The following LIPM variants were observed in gnomAD, a reference collection of about 807,000 sequenced individuals.
LIPM encodes the protein lipase member M.
Under a neutral mutation model 42.4 loss-of-function variants are expected in LIPM, and 42 were observed. That is an observed-to-expected ratio of 0.99 (90% CI 0.77 to 1.28). The LOEUF is 1.28. Ranked by LOEUF, LIPM falls within the 50% of genes most tolerant of loss-of-function variation. The pLI is 0.00. For missense variants in LIPM, 524 were observed against 520.1 expected, an observed-to-expected ratio of 1.01 and a Z score of -0.07; for synonymous variants, 177 against 173.3, an observed-to-expected ratio of 1.02 and a Z score of -0.17.
At chr10:88,806,014 C>T (rs191319912) in intron 1 of LIPM, 26 of 456,540 alleles carry the variant, frequency 5.7e-5, no homozygotes, top group Admixed American at 3.3e-4. Flanking sequence ...AGGTCAGTCA[C>T]TGGATGTGGC....
Position 88,817,142 on chromosome 10 carries a change from A to T in LIPM, c.930+255A>T, listed in dbSNP as rs1159116312. Among the ~76,000 whole-genome samples the T allele has an allele frequency of 2.6e-5, 4 of 151,994 alleles. No individual in the cohort carries two copies. In the South Asian group the frequency reaches 8.3e-4, roughly 32 times the overall value. On this transcript the variant is annotated intron_variant, in intron 7 of 8. Transcript: ENST00000404743. Reference sequence around the variant, plus strand: ...TATGAATTTAGATGATCCAAGTGAGACTTCTCTCTGTCTCTAGACACCTCA... The same window carrying T: ...TATGAATTTAGATGATCCAAGTGAGTCTTCTCTCTGTCTCTAGACACCTCA...
intron 7 of LIPM, among the ~76,000 whole-genome samples, chr10:88,817,089 G>A (rs1043242166): frequency 6.6e-6 from 1 of 152,216 alleles, no homozygotes; most frequent in Non-Finnish European, 1.5e-5. Flanking sequence ...GACAGAAGTA[G>A]CCTAAGAACT....
chr10:88,807,787 G>T (rs1843606872), intron 1 of LIPM, among the ~76,000 whole-genome samples: 1 of 152,162 alleles, frequency 6.6e-6, no homozygotes, highest in African/African-American at 2.4e-5. Flanking sequence ...AAGTTGTCCT[G>T]GAACAGGTGC....
At chr10:88,808,238 G>T in intron 1 of LIPM, 60 bp from the exon 2 acceptor site, 1 of 922,714 alleles carries the variant, frequency 1.1e-6, no homozygotes, top group South Asian at 1.4e-5. Context: ...CTTACTTTTG[G>T]ATCATTGAGA....
At chr10:88,805,913 G>A (rs1843580585) in intron 1 of LIPM, 1 of 455,406 alleles carries the variant, frequency 2.2e-6, no homozygotes, top group African/African-American at 2.0e-5. Context: ...AAAACAGCCA[G>A]ACTCAACTCC....
chr10:88,810,127 T>C (rs761826336), intron 2 of LIPM, among the ~76,000 whole-genome samples: 12 of 152,176 alleles, frequency 7.9e-5, no homozygotes, highest in Non-Finnish European at 1.5e-4. Context: ...ACATCATTTG[T>C]TTTGCTCAAG....
In LIPM at chr10:88,815,070, A is replaced by G. The variant is rs765819195; in HGVS notation, c.575-18A>G. ...AAAAATATTTCGTATTCATGTTGAC[A>G]TATTTCTTCTTTTGCAGGCTTTATT... On this transcript the variant is annotated intron_variant, in intron 4 of 8. Transcript: ENST00000404743. 3.3e-6 allele frequency: 5 copies of G among 1,522,474 alleles called. No homozygotes were observed. The East Asian group carries it at 9.8e-5, about 30-fold the overall frequency. 94.3% of individuals were successfully genotyped at this position (1,522,474 alleles called of 1,614,324 possible).
intron 4 of LIPM, 90 bp from the exon 5 acceptor site, chr10:88,814,998 T>G (rs1843700648): frequency 1.7e-6 from 2 of 1,162,490 alleles, no homozygotes; most frequent in African/African-American, 1.6e-5. Flanking sequence ...ACATATATAC[T>G]TATTGAAATA....
chr10:88,816,737 C>T, intron 6 of LIPM, 79 bp from the exon 7 acceptor site: 1 of 874,342 alleles, frequency 1.1e-6, no homozygotes, highest in Non-Finnish European at 1.9e-6. Flanking sequence ...TAGTCTGACA[C>T]CCTGGAGATT....
intron 1 of LIPM, chr10:88,806,132 C>T (rs968086209): frequency 2.3e-5 from 9 of 383,440 alleles, no homozygotes; most frequent in African/African-American, 1.9e-4. Flanking sequence ...TGGATGGGAC[C>T]AGTCCTTTAT....
rs150378619 is a variant in LIPM at position 88,815,756 on chromosome 10, G to A, written c.858+253G>A. Among the ~76,000 whole-genome samples, 793 of 152,310 alleles carry A rather than the reference G, an allele frequency of 5.2e-3. 1 individual carries two copies. The highest frequency in any genetic ancestry group is 9.2e-3 in the Non-Finnish European group (627 of 68,022). On this transcript the variant is annotated intron_variant, in intron 6 of 8. Transcript: ENST00000404743. ...GAGGTCTGAAAGCAGCTTTACTACAGTGAATTAAATTAAAAAGAGCAATTA... is the reference window on the plus strand; with the variant it reads ...GAGGTCTGAAAGCAGCTTTACTACAATGAATTAAATTAAAAAGAGCAATTA...
Position 88,802,838 on chromosome 10 carries a change from T to G in LIPM, c.-59T>G, listed in dbSNP as rs1843543770. Reference sequence around the variant, plus strand: ...GAAGAGTTTTTAAACCCACAAATTCTTCTTACTTTAGAATTAGTTGTTACA... The same window carrying G: ...GAAGAGTTTTTAAACCCACAAATTCGTCTTACTTTAGAATTAGTTGTTACA... On this transcript the variant is annotated 5_prime_UTR_variant, in exon 1 of 9. Transcript: ENST00000404743. 2 of 1,487,088 alleles carry G rather than the reference T, an allele frequency of 1.3e-6. No homozygotes were observed. The highest frequency in any genetic ancestry group is 1.8e-6 in the Non-Finnish European group (2 of 1,113,942). The allele number at this position is 1,487,088 out of a possible 1,614,324, so 92.1% of individuals were successfully genotyped here.
chr10:88,820,142 T>A lies in LIPM; in HGVS notation c.1003-90T>A, dbSNP rs938212292. 10 of 1,071,628 alleles carry A rather than the reference T, an allele frequency of 9.3e-6. No individual in the cohort carries two copies. In the African/African-American group the frequency reaches 1.3e-4, roughly 14 times the overall value. 66.4% of individuals were successfully genotyped at this position (1,071,628 alleles called of 1,614,324 possible). A position where few individuals can be genotyped will look rare whatever the true frequency, so the allele number is the denominator to read the frequency against. On this transcript the variant is annotated intron_variant, in intron 8 of 8. Transcript: ENST00000404743. ...CCCATGTACCCTTCACCACAACAGA[T>A]GGCATGTTTATTATGTCTATTTGAA...
rs754699630 is a variant in LIPM at position 88,814,597 on chromosome 10, G to T, written c.532G>T (p.Glu178Ter). The change falls in exon 4 of 9, where the codon GAA (glutamate) becomes TAA (stop). Residue 178 changes from glutamate (E) to a stop codon, truncating the protein, a stop_gained. Coordinates refer to ENST00000404743, the MANE Select transcript of LIPM (RefSeq NM_001128215.1). LOFTEE classifies it high-confidence loss of function. ...CTTTATTTTGCAGAAAACGGGCCAG[G>T]AAAAGATCTATTATGTCGGCTATTC... ...INFILQKTGQ[E>*]KIYYVGYSQG... 6.4e-7 allele frequency: 1 copy of T among 1,552,010 alleles called. No individual in the cohort carries two copies. Among genetic ancestry groups the T allele is most frequent in the South Asian group, 1.2e-5 (1 of 84,058 alleles).
intron 7 of LIPM, 105 bp from the exon 8 acceptor site, chr10:88,817,720 C>G: frequency 2.9e-6 from 2 of 698,292 alleles, no homozygotes; most frequent in South Asian, 1.8e-5. Flanking sequence ...AACCATTGCT[C>G]TCTCCTTCCC....
rs533353690 is a variant in LIPM, at chr10:88,804,966, T to C, written c.147+1923T>C. Reference sequence around the variant, plus strand: ...CTTTCCTGGGCAAAGCCAAGAACCTTCCCAGGGTAAGCCCCAATTTTGGAG... The same window carrying C: ...CTTTCCTGGGCAAAGCCAAGAACCTCCCCAGGGTAAGCCCCAATTTTGGAG... On this transcript the variant is annotated intron_variant, in intron 1 of 8. Transcript: ENST00000404743. Among the ~76,000 whole-genome samples, 168 of 152,294 alleles carry C rather than the reference T, an allele frequency of 1.1e-3. 1 individual carries two copies. Among genetic ancestry groups the C allele is most frequent in the African/African-American group, 4.0e-3 (168 of 41,562 alleles).
intron 7 of LIPM, 66 bp from the exon 8 acceptor site, chr10:88,817,759 C>A (rs1843734452): frequency 1.8e-6 from 2 of 1,111,800 alleles, no homozygotes; most frequent in African/African-American, 1.5e-5. Context: ...TAGCACATTT[C>A]CACCACCCCA....
At chr10:88,819,868 G>A (rs1843765666) in intron 8 of LIPM, among the ~76,000 whole-genome samples, 1 of 152,024 alleles carries the variant, frequency 6.6e-6, no homozygotes, top group African/African-American at 2.4e-5. Context: ...AAATGTTTGT[G>A]AAATTATCTT....
chr10:88,811,751 CT>C (rs1190358122), intron 2 of LIPM, among the ~76,000 whole-genome samples: 1 of 152,180 alleles, frequency 6.6e-6, no homozygotes, highest in African/African-American at 2.4e-5. Context: ...TCTCCCCCAT[CT>C]CTTACGTGTA....
Sources: gnomAD v4.1 joint callset for allele counts (sites outside exome capture counted in the v4.1 genomes callset) on GRCh38, gnomAD v4.1.1 for gene constraint, MANE v1.5 for transcripts, NCBI Gene and HGNC (gene_info 2026-07-23, HGNC 2026-07-21) for gene names.